Variants in ARHGAP22 observed in about 807,000 individuals in gnomAD.
ARHGAP22 encodes the protein rho GTPase-activating protein 22.
A neutral mutation model predicts 59.1 loss-of-function variants in ARHGAP22; 48 were observed. That is an observed-to-expected ratio of 0.81 (90% CI 0.64 to 1.03). The LOEUF is 1.03. Ranked by LOEUF, ARHGAP22 falls within the 50% of genes least tolerant of loss-of-function variation. The probability of loss-of-function intolerance (pLI) is 0.00; values close to 1 mark genes in which losing one functional copy is unlikely to be tolerated. For missense variants in ARHGAP22, 1,015 were observed against 958.7 expected (o/e 1.06, Z -0.78); for synonymous variants, 445 against 416.4 (o/e 1.07, Z -0.84).
downstream of ARHGAP22, chr10:48,444,517 T>C (rs1487769304): frequency 6.6e-6 from 1 of 152,230 alleles, no homozygotes; most frequent in Non-Finnish European, 1.5e-5. Context: ...GGCTCAGGCA[T>C]TCATGAGCTC....
At chr10:48,618,965 CA>C (rs2061187870) in intron 1 of ARHGAP22, among the ~76,000 whole-genome samples, 1 of 151,932 alleles carries the variant, frequency 6.6e-6, no homozygotes, top group Non-Finnish European at 1.5e-5. Context: ...AAAGCCCCAC[CA>C]AAAACTCTTA....
At chr10:48,472,816 TAAA>T (rs200554992) in intron 4 of ARHGAP22, among the ~76,000 whole-genome samples, 7 of 144,168 alleles carry the variant, frequency 4.9e-5, no homozygotes, top group African/African-American at 1.8e-4. Flanking sequence ...GGATGGCTAT[TAAA>T]AAAAAAACCA....
chr10:48,534,054 A>G (rs1385378292), intron 3 of ARHGAP22, among the ~76,000 whole-genome samples: 1 of 152,240 alleles, frequency 6.6e-6, no homozygotes, highest in African/African-American at 2.4e-5. Flanking sequence ...ATTCTCTGGC[A>G]CACTGGCAGT....
the ARHGAP22 span, chr10:48,431,304 GTTTAC>G: frequency 7.0e-7 from 1 of 1,431,828 alleles, no homozygotes; most frequent in Non-Finnish European, 9.8e-7. Flanking sequence ...TAAGATTACA[GTTTAC>G]TTCTTGTGTT....
rs113777200 is a variant in ARHGAP22 at position 48,650,958 on chromosome 10, C to T, written c.52+1276G>A. ...GTCCTGGCTTCTAGCCCACTCCGTTCTTCATGAACACAGAGCTTTACTCCT... is the reference window on the plus strand; with the variant it reads ...GTCCTGGCTTCTAGCCCACTCCGTTTTTCATGAACACAGAGCTTTACTCCT... On this transcript the variant is annotated intron_variant, in intron 1 of 9. Coordinates refer to the ARHGAP22 transcript ENST00000435790. 8.7e-3 allele frequency among the ~76,000 whole-genome samples: 1,330 copies of T among 152,272 alleles called. 20 individuals are homozygous for T. Among genetic ancestry groups the T allele is most frequent in the African/African-American group, 0.03 (1,260 of 41,530 alleles).
At chr10:48,461,490 A>G (rs952936344) in intron 4 of ARHGAP22, among the ~76,000 whole-genome samples, 1 of 152,244 alleles carries the variant, frequency 6.6e-6, no homozygotes, top group Non-Finnish European at 1.5e-5. Flanking sequence ...GAAATCAGAG[A>G]GAGAATGATC....
intron 9 of ARHGAP22, 41 bp from the exon 10 acceptor site, chr10:48,446,660 C>T (rs2045381234): frequency 6.4e-7 from 1 of 1,570,236 alleles, no homozygotes; most frequent in Middle Eastern, 1.7e-4. Flanking sequence ...ACTCTGCGGG[C>T]CAGGTTCACT....
Position 48,453,063 on chromosome 10 carries a change from G to C in ARHGAP22, c.988+241C>G, listed in dbSNP as rs77628116. 6.6e-4 allele frequency among the ~76,000 whole-genome samples: 101 copies of C among 152,300 alleles called. 1 individual carries two copies. The East Asian group carries it at 0.018, about 27-fold the overall frequency. ...CCTGGCTATTCTAATTGCACCCAGT[G>C]ACCTGCTGCTGCCCATCGCAGGGCA... On this transcript the variant is annotated intron_variant, in intron 8 of 9. Transcript: ENST00000249601.
intron 3 of ARHGAP22, among the ~76,000 whole-genome samples, chr10:48,547,263 A>C (rs1382983275): frequency 6.6e-6 from 1 of 152,210 alleles, no homozygotes; most frequent in Non-Finnish European, 1.5e-5. Context: ...AATCAACCCC[A>C]TGGCCCTGAT....
At chr10:48,626,304 G>C (rs1216285669) in intron 1 of ARHGAP22, among the ~76,000 whole-genome samples, 1 of 152,150 alleles carries the variant, frequency 6.6e-6, no homozygotes, top group Non-Finnish European at 1.5e-5. Flanking sequence ...GAAACATGCT[G>C]AGTGTGAATT....
At chr10:48,458,101 G>A (rs1321150233) in intron 5 of ARHGAP22, among the ~76,000 whole-genome samples, 1 of 152,094 alleles carries the variant, frequency 6.6e-6, no homozygotes, top group Non-Finnish European at 1.5e-5. Context: ...TCTAAAGGGA[G>A]AGGAAACCAA....
At chr10:48,479,566 G>C in intron 4 of ARHGAP22, 70 bp downstream of exon 4, 1 of 1,611,750 alleles carries the variant, frequency 6.2e-7, no homozygotes, top group African/African-American at 1.3e-5. Context: ...TGGGGCTCAG[G>C]ACAGGCAGGG....
chr10:48,459,668 C>T lies in ARHGAP22; in HGVS notation c.659+16G>A. ...ATGGACAAATGGCTCCACCTTACCC[C>T]CGATCACAAGCTCACCTGTCAAACA... On this transcript the variant is annotated intron_variant, in intron 5 of 9. Coordinates refer to ENST00000249601, the MANE Select transcript of ARHGAP22 (RefSeq NM_021226.4). The T allele has an allele frequency of 6.2e-7, 1 of 1,613,836 alleles. No homozygotes were observed. Among genetic ancestry groups the T allele is most frequent in the Non-Finnish European group, 8.5e-7 (1 of 1,179,744 alleles).
intron 2 of ARHGAP22, among the ~76,000 whole-genome samples, chr10:48,571,342 C>G (rs1232649759): frequency 6.6e-6 from 1 of 152,148 alleles, no homozygotes. Context: ...ATATACTGCC[C>G]CTTAGCAAGA....
chr10:48,446,249 C>A lies in ARHGAP22; in HGVS notation c.*142G>T, dbSNP rs1663132632. ...GTGTGTGGGGTCCCAAAAGTCCCCA[C>A]AGTCCCCACAGAGGTATCAGGATCT... On this transcript the variant is annotated 3_prime_UTR_variant, in exon 10 of 10. Coordinates refer to ENST00000249601, the MANE Select transcript of ARHGAP22 (RefSeq NM_021226.4). The A allele has an allele frequency of 1.2e-6, 1 of 853,698 alleles. No individual in the cohort carries two copies. Among genetic ancestry groups the A allele is most frequent in the Non-Finnish European group, 1.8e-6 (1 of 559,928 alleles). The allele number at this position is 853,698 out of a possible 1,614,324, so 52.9% of individuals were successfully genotyped here.
chr10:48,586,350 CAGCAGGGCA>C (rs920333635), intron 1 of ARHGAP22, among the ~76,000 whole-genome samples: 1 of 152,208 alleles, frequency 6.6e-6, no homozygotes, highest in African/African-American at 2.4e-5. Context: ...ACACCTCACC[CAGCAGGGCA>C]AGCTGGCAGA....
chr10:48,538,173 G>T (rs937576924), intron 3 of ARHGAP22, among the ~76,000 whole-genome samples: 13 of 152,174 alleles, frequency 8.5e-5, no homozygotes, highest in African/African-American at 3.1e-4. Flanking sequence ...CCAGCTGCTG[G>T]TGACTTCCAG....
At chr10:48,542,567 C>T (rs2056061970) in intron 3 of ARHGAP22, among the ~76,000 whole-genome samples, 1 of 152,210 alleles carries the variant, frequency 6.6e-6, no homozygotes, top group Non-Finnish European at 1.5e-5. Flanking sequence ...CAGGCCTCTG[C>T]CCCGCCTCTC....
intron 1 of ARHGAP22, among the ~76,000 whole-genome samples, chr10:48,610,565 T>G (rs1251465434): frequency 1.3e-5 from 2 of 152,146 alleles, no homozygotes; most frequent in East Asian, 3.8e-4. Flanking sequence ...GGATGCCTAG[T>G]GTGGGCTGAA....
Sources: gnomAD v4.1 joint callset for allele counts (sites outside exome capture counted in the v4.1 genomes callset) on GRCh38, gnomAD v4.1.1 for gene constraint, MANE v1.5 for transcripts, NCBI Gene and HGNC (gene_info 2026-07-23, HGNC 2026-07-21) for gene names.